Variants in MAP1LC3B2 observed in about 807,000 individuals in gnomAD.
MAP1LC3B2 encodes microtubule-associated protein 1 light chain 3 beta 2.
For missense variants in MAP1LC3B2, 155 were observed against 154.6 expected (o/e 1.00, Z -0.01); for synonymous variants, 62 against 57.8 (o/e 1.07, Z -0.33).
At chr12:116,575,756 G>A in intron 1 of MAP1LC3B2, 86 bp from the exon 2 acceptor site, 2 of 658,694 alleles carry the variant, frequency 3.0e-6, no homozygotes, top group Admixed American at 2.9e-5. Context: ...TAAAAGAACA[G>A]ATAGTAAATA....
intron 1 of MAP1LC3B2, among the ~76,000 whole-genome samples, chr12:116,565,937 G>C (rs77979945): frequency 6.6e-6 from 1 of 152,196 alleles, no homozygotes. Context: ...ACTCAGAGCC[G>C]TGAGGTTTCT....
intron 1 of MAP1LC3B2, among the ~76,000 whole-genome samples, chr12:116,561,297 G>A (rs531252293): frequency 6.6e-6 from 1 of 152,128 alleles, no homozygotes; most frequent in South Asian, 2.1e-4. Flanking sequence ...AAAAAGTGTG[G>A]CAGAGGTAGA....
chr12:116,560,191 TATATATATATATATATATATA>T (rs1293362006), intron 1 of MAP1LC3B2: 1 of 1,038 alleles, frequency 9.6e-4, no homozygotes, highest in Non-Finnish European at 2.3e-3. Context: ...AGTTTGGCTA[TATATATATATATATATATATA>T]TATATATATA....
At chr12:116,565,898 C>T (rs995930246) in intron 1 of MAP1LC3B2, among the ~76,000 whole-genome samples, 8 of 152,274 alleles carry the variant, frequency 5.3e-5, no homozygotes, top group South Asian at 4.1e-4. Context: ...TACGAAAGCA[C>T]AAAATCTTTA....
chr12:116,560,842 C>T (rs1226567155), intron 1 of MAP1LC3B2, among the ~76,000 whole-genome samples: 2 of 147,190 alleles, frequency 1.4e-5, no homozygotes, highest in East Asian at 2.0e-4. Flanking sequence ...AAAGGCTGGG[C>T]ATAGTGGCTT....
At chr12:116,570,856 A>G (rs1486381761) in intron 1 of MAP1LC3B2, among the ~76,000 whole-genome samples, 2 of 152,238 alleles carry the variant, frequency 1.3e-5, no homozygotes, top group African/African-American at 4.8e-5. Flanking sequence ...ACCAGGATGT[A>G]TTAATAAGTC....
intron 1 of MAP1LC3B2, among the ~76,000 whole-genome samples, chr12:116,568,234 T>G (rs1218132607): frequency 6.6e-6 from 1 of 152,180 alleles, no homozygotes; most frequent in Non-Finnish European, 1.5e-5. Context: ...TAACAGGCCC[T>G]TTTCTCAAAA....
intron 1 of MAP1LC3B2, among the ~76,000 whole-genome samples, chr12:116,575,180 C>CAAAAAAAAAAAAAAAAAAAAAA (rs112848522): frequency 1.7e-5 from 1 of 58,980 alleles, no homozygotes; most frequent in Non-Finnish European, 3.9e-5. Context: ...AACTCAGTCT[C>CAAAAAAAAAAAAAAAAAAAAAA]AAAAAAAAAA....
intron 1 of MAP1LC3B2, among the ~76,000 whole-genome samples, chr12:116,572,949 A>G (rs1869576662): frequency 6.6e-6 from 1 of 152,110 alleles, no homozygotes; most frequent in Non-Finnish European, 1.5e-5. Flanking sequence ...TTCCTGAGAC[A>G]GTCTGGAGTC....
At chr12:116,568,819 A>G (rs1044406616) in intron 1 of MAP1LC3B2, among the ~76,000 whole-genome samples, 2 of 151,376 alleles carry the variant, frequency 1.3e-5, no homozygotes, top group African/African-American at 4.9e-5. Flanking sequence ...GCACCCTGAT[A>G]TTGGACTTCC....
chr12:116,575,827 A>G lies in MAP1LC3B2; in HGVS notation c.-101-15A>G, dbSNP rs1376871938. The stretch of plus-strand genomic sequence containing the variant: ...GCCACAACTACTCAGCTCTGTTGTT[A>G]TTGTGCAAAAATAGCCTTACACGGC... On this transcript the variant is annotated splice_polypyrimidine_tract_variant and intron_variant, in intron 1 of 1. Transcript: ENST00000556529. The G allele has an allele frequency of 8.4e-7, 1 of 1,190,758 alleles. No homozygotes were observed. The highest frequency in any genetic ancestry group is 1.2e-6 in the Non-Finnish European group (1 of 822,934). 73.8% of individuals were successfully genotyped at this position (1,190,758 alleles called of 1,614,324 possible).
intron 1 of MAP1LC3B2, chr12:116,560,218 A>ATATATATATATATATATGTATGTATATG (rs1869227484): frequency 1.4e-5 from 1 of 71,182 alleles, no homozygotes; most frequent in Admixed American, 2.0e-4. Context: ...ATATATATAT[A>ATATATATATATATATATGTATGTATATG]TATATATATA....
At chr12:116,560,375 A>G (rs1471254540) in intron 1 of MAP1LC3B2, among the ~76,000 whole-genome samples, 3 of 151,332 alleles carry the variant, frequency 2.0e-5, no homozygotes, top group African/African-American at 7.3e-5. Flanking sequence ...CAGCCTTCCG[A>G]CTAGCTGGGA....
intron 1 of MAP1LC3B2, among the ~76,000 whole-genome samples, chr12:116,561,704 A>T (rs576438543): frequency 1.3e-5 from 2 of 152,120 alleles, no homozygotes; most frequent in Admixed American, 1.3e-4. Context: ...TCTGCCCCTT[A>T]CTAGCTGTGT....
In MAP1LC3B2 at chr12:116,576,379, G is replaced by A. The variant is rs1226942130; in HGVS notation, c.*59G>A. The A allele has an allele frequency of 2.6e-6, 4 of 1,561,808 alleles. No homozygotes were observed. Among genetic ancestry groups the A allele is most frequent in the East Asian group, 2.2e-5 (1 of 44,566 alleles). ...TAAACCCTTACCAAGGAAAAAAAAA[G>A]GGATGTTACCAACTGAGATCGATCA... On this transcript the variant is annotated 3_prime_UTR_variant, in exon 2 of 2. Transcript: ENST00000556529.
chr12:116,566,770 A>T (rs1238591361), intron 1 of MAP1LC3B2, among the ~76,000 whole-genome samples: 1 of 150,514 alleles, frequency 6.6e-6, no homozygotes. Flanking sequence ...TGTCTCTACT[A>T]AAATACAAAA....
chr12:116,562,417 G>A (rs1260768535), intron 1 of MAP1LC3B2, among the ~76,000 whole-genome samples: 3 of 152,226 alleles, frequency 2.0e-5, no homozygotes, highest in Non-Finnish European at 4.4e-5. Context: ...TGAGCAGGAG[G>A]TAGACCTCTT....
chr12:116,575,044 G>A (rs1276107584), intron 1 of MAP1LC3B2, among the ~76,000 whole-genome samples: 4 of 151,974 alleles, frequency 2.6e-5, no homozygotes, highest in Non-Finnish European at 1.5e-5. Context: ...TCCGGGCTTG[G>A]TGGTGCATGC....
chr12:116,570,932 A>G (rs1418872758), intron 1 of MAP1LC3B2, among the ~76,000 whole-genome samples: 1 of 152,280 alleles, frequency 6.6e-6, no homozygotes, highest in South Asian at 2.1e-4. Flanking sequence ...AACAAGGTAT[A>G]TAAGAAATGT....
Sources: gnomAD v4.1 joint callset for allele counts (sites outside exome capture counted in the v4.1 genomes callset) on GRCh38, gnomAD v4.1.1 for gene constraint, MANE v1.5 for transcripts, NCBI Gene and HGNC (gene_info 2026-07-23, HGNC 2026-07-21) for gene names.